The following LINGO2 variants were observed in gnomAD, a reference collection of about 807,000 sequenced individuals.
LINGO2 encodes leucine rich repeat and Ig domain containing 2, also known as leucine-rich repeat and immunoglobulin-like domain-containing nogo receptor-interacting protein 2.
LINGO2 carries 14 observed loss-of-function variants against 30.6 expected under a neutral mutation model. The observed-to-expected ratio is 0.46, with a 90% confidence interval of 0.30 to 0.72. LINGO2 has a LOEUF of 0.72. Ranked by LOEUF, LINGO2 falls within the 30% of genes least tolerant of loss-of-function variation. The probability of loss-of-function intolerance (pLI) is 0.07; values close to 1 mark genes in which losing one functional copy is unlikely to be tolerated. For missense variants in LINGO2, 729 were observed against 751.7 expected (o/e 0.97, Z 0.35); for synonymous variants, 317 against 288.5 (o/e 1.10, Z -1.00).
At chr9:28,283,639 T>C (rs928371266) in intron 4 of LINGO2, among the ~76,000 whole-genome samples, 1 of 152,134 alleles carries the variant, frequency 6.6e-6, no homozygotes, top group African/African-American at 2.4e-5. Context: ...AACTCACACA[T>C]GTATTAGCTG....
the LINGO2 span, among the ~76,000 whole-genome samples, chr9:29,084,970 A>C: frequency 7.3e-5 from 11 of 150,720 alleles, no homozygotes; most frequent in Admixed American, 7.4e-4. Context: ...TACAAGGTCA[A>C]CTACACATGT....
the LINGO2 span, among the ~76,000 whole-genome samples, chr9:28,862,028 C>A: frequency 1.3e-5 from 2 of 152,090 alleles, no homozygotes; most frequent in Non-Finnish European, 2.9e-5. Context: ...TACATATTAT[C>A]ATTAAAAACA....
chr9:28,003,334 TATAGATATATAGATAG>T (rs1339421302), intron 5 of LINGO2, among the ~76,000 whole-genome samples: 25 of 135,238 alleles, frequency 1.8e-4, no homozygotes, highest in African/African-American at 6.1e-4. Context: ...CATATAGATA[TATAGATATATAGATAG>T]ATAGATAGAT....
chr9:28,211,846 T>TTC (rs1820603384), intron 4 of LINGO2, among the ~76,000 whole-genome samples: 1 of 151,422 alleles, frequency 6.6e-6, no homozygotes, highest in Non-Finnish European at 1.5e-5. Flanking sequence ...ACTTTCCTTT[T>TTC]TCTCTCTCTC....
intron 1 of LINGO2, among the ~76,000 whole-genome samples, chr9:28,668,405 G>A (rs1485504684): frequency 2.0e-5 from 3 of 151,708 alleles, no homozygotes; most frequent in Non-Finnish European, 2.9e-5. Flanking sequence ...CTTAAACTTC[G>A]GTTAAAATAA....
At chr9:28,357,200 G>GTT (rs946193672) in intron 3 of LINGO2, among the ~76,000 whole-genome samples, 2 of 151,840 alleles carry the variant, frequency 1.3e-5, no homozygotes, top group Non-Finnish European at 2.9e-5. Flanking sequence ...TGCAAAGTGA[G>GTT]TTAAGCATAC....
chr9:28,221,248 G>A (rs374773438), intron 4 of LINGO2, among the ~76,000 whole-genome samples: 11 of 148,034 alleles, frequency 7.4e-5, no homozygotes, highest in African/African-American at 2.3e-4. Flanking sequence ...TGCAGTGAGC[G>A]GAGATGGCGC....
chr9:28,345,273 T>C (rs532845463), intron 3 of LINGO2, among the ~76,000 whole-genome samples: 1 of 152,256 alleles, frequency 6.6e-6, no homozygotes, highest in South Asian at 2.1e-4. Context: ...AATTCATATA[T>C]TTTTTTCAAG....
At chr9:28,986,133 T>A in the LINGO2 span, among the ~76,000 whole-genome samples, 4 of 152,084 alleles carry the variant, frequency 2.6e-5, no homozygotes, top group African/African-American at 9.7e-5. Flanking sequence ...TTTTTATGTG[T>A]TGTACACACC....
chr9:28,406,621 T>G (rs1185005248), intron 2 of LINGO2, among the ~76,000 whole-genome samples: 1 of 152,148 alleles, frequency 6.6e-6, no homozygotes, highest in African/African-American at 2.4e-5. Flanking sequence ...CTCTCCCTAC[T>G]CTATCTCCAC....
chr9:29,080,263 T>C, the LINGO2 span, among the ~76,000 whole-genome samples: 1 of 152,178 alleles, frequency 6.6e-6, no homozygotes, highest in African/African-American at 2.4e-5. Flanking sequence ...TGATGGTAGT[T>C]TGTATTTCTG....
chr9:28,180,299 C>T (rs893722213), intron 4 of LINGO2, among the ~76,000 whole-genome samples: 2 of 152,292 alleles, frequency 1.3e-5, no homozygotes, highest in South Asian at 2.1e-4. Context: ...CCCCAGTAAA[C>T]TCAGCAGTAC....
At chr9:28,471,003 T>C (rs1013017824) in intron 2 of LINGO2, among the ~76,000 whole-genome samples, 1 of 150,268 alleles carries the variant, frequency 6.7e-6, no homozygotes, top group Non-Finnish European at 1.5e-5. Context: ...TAGGAAATTA[T>C]AGGTTTTTTA....
intron 1 of LINGO2, among the ~76,000 whole-genome samples, chr9:28,516,455 C>A (rs1053059144): frequency 6.6e-6 from 1 of 152,156 alleles, no homozygotes; most frequent in Non-Finnish European, 1.5e-5. Flanking sequence ...GGAGCCACAG[C>A]CTGTTGGTTT....
chr9:28,036,026 T>C (rs1463704216), intron 4 of LINGO2, among the ~76,000 whole-genome samples: 1 of 152,190 alleles, frequency 6.6e-6, no homozygotes, highest in African/African-American at 2.4e-5. Flanking sequence ...GAATATAGAT[T>C]TAGCAAAGTG....
At chr9:28,327,060 C>T (rs1825255759) in intron 3 of LINGO2, among the ~76,000 whole-genome samples, 1 of 152,016 alleles carries the variant, frequency 6.6e-6, no homozygotes, top group Non-Finnish European at 1.5e-5. Context: ...CATGAGGGCT[C>T]CACCCTCATG....
the LINGO2 span, among the ~76,000 whole-genome samples, chr9:28,885,462 T>TAC: frequency 1.5e-5 from 1 of 64,674 alleles, no homozygotes; most frequent in African/African-American, 3.7e-5. Flanking sequence ...TATACATACA[T>TAC]ATATATATAC....
the LINGO2 span, among the ~76,000 whole-genome samples, chr9:28,892,555 AT>A: frequency 2.0e-5 from 3 of 152,004 alleles, no homozygotes; most frequent in African/African-American, 7.2e-5. Flanking sequence ...ACAACTTAAA[AT>A]CAAAAGCAAC....
At chr9:28,546,084 G>T (rs1821924314) in intron 1 of LINGO2, among the ~76,000 whole-genome samples, 1 of 151,958 alleles carries the variant, frequency 6.6e-6, no homozygotes, top group African/African-American at 2.4e-5. Flanking sequence ...GGACTCTAAA[G>T]AAGTTGAACC....
Sources: allele counts gnomAD v4.1 joint callset (sites outside exome capture counted in the v4.1 genomes callset), GRCh38; gene constraint gnomAD v4.1.1; transcripts MANE v1.5; gene names NCBI Gene and HGNC (gene_info 2026-07-23, HGNC 2026-07-21).